SLC25A26: variants seen among roughly 807,000 people sequenced by gnomAD.
SLC25A26 encodes mitochondrial S-adenosylmethionine carrier protein.
A neutral mutation model predicts 37.8 loss-of-function variants in SLC25A26; 36 were observed. That is an observed-to-expected ratio of 0.95 (90% CI 0.73 to 1.26). The LOEUF (loss-of-function observed/expected upper bound fraction) is 1.26. Among genes scored for constraint, SLC25A26 ranks in the 50% most tolerant of loss-of-function variants. SLC25A26 has a pLI of 0.00. For missense variants in SLC25A26, 390 were observed against 331.1 expected (o/e 1.18, Z -1.38); for synonymous variants, 129 against 122.5 (o/e 1.05, Z -0.35).
chr3:66,156,458 G>T (rs1021208335), intron 1 of SLC25A26, among the ~76,000 whole-genome samples: 10 of 57,210 alleles, frequency 1.7e-4, no homozygotes, highest in African/African-American at 6.6e-4. Context: ...GATAGGGCCA[G>T]GGGTGGGAAG....
chr3:66,310,449 C>G (rs1240763182), intron 5 of SLC25A26, among the ~76,000 whole-genome samples: 1 of 152,136 alleles, frequency 6.6e-6, no homozygotes, highest in Non-Finnish European at 1.5e-5. Flanking sequence ...TTAACTCTAT[C>G]CAATTTGCCA....
chr3:66,294,946 A>C (rs2074846879), intron 5 of SLC25A26, among the ~76,000 whole-genome samples: 1 of 152,216 alleles, frequency 6.6e-6, no homozygotes, highest in Admixed American at 6.5e-5. Flanking sequence ...TTGCAATTAA[A>C]AAATATAAAC....
rs372502867 is a variant in SLC25A26, at chr3:66,312,853, A to G, written c.454-33511A>G. ...ACCCACTGTCTAACCAGTCCCATTG[A>G]GATGAACCGGGTACCTCAGTTGGAA... On this transcript the variant is annotated intron_variant, in intron 5 of 9. Transcript: ENST00000354883. Among the ~76,000 whole-genome samples, 10 of 152,224 alleles carry G rather than the reference A, an allele frequency of 6.6e-5. No homozygotes were observed. In the South Asian group the frequency reaches 1.9e-3, roughly 28 times the overall value.
intron 5 of SLC25A26, among the ~76,000 whole-genome samples, chr3:66,300,177 A>G (rs1459653021): frequency 1.3e-5 from 2 of 151,906 alleles, no homozygotes; most frequent in Non-Finnish European, 2.9e-5. Context: ...GTTTGAACCA[A>G]GCTAATCAAA....
intron 5 of SLC25A26, among the ~76,000 whole-genome samples, chr3:66,339,082 G>C (rs1456707058): frequency 6.6e-6 from 1 of 151,914 alleles, no homozygotes; most frequent in Non-Finnish European, 1.5e-5. Flanking sequence ...CTGTATACCC[G>C]GGAGCAAAAT....
At chr3:66,157,799 A>T (rs549162600) in intron 1 of SLC25A26, among the ~76,000 whole-genome samples, 239 of 152,212 alleles carry the variant, frequency 1.6e-3, no homozygotes, top group South Asian at 3.9e-3. Flanking sequence ...ATTTAAAAAA[A>T]TTTTTTTGAG....
At chr3:66,289,297 T>C (rs2074623382) in intron 5 of SLC25A26, among the ~76,000 whole-genome samples, 1 of 152,222 alleles carries the variant, frequency 6.6e-6, no homozygotes, top group Non-Finnish European at 1.5e-5. Flanking sequence ...GATGATAGTT[T>C]CTTTTGCTGT....
intron 5 of SLC25A26, among the ~76,000 whole-genome samples, chr3:66,311,530 C>G (rs1432222952): frequency 6.6e-6 from 1 of 151,936 alleles, no homozygotes; most frequent in Admixed American, 6.6e-5. Context: ...GTTTTGTTCC[C>G]TTGCTGGTGA....
At chr3:66,360,644 A>G (rs1446584634) in intron 6 of SLC25A26, among the ~76,000 whole-genome samples, 1 of 152,250 alleles carries the variant, frequency 6.6e-6, no homozygotes, top group Non-Finnish European at 1.5e-5. Flanking sequence ...TTTAAAAAAC[A>G]GTGCGATTTG....
chr3:66,139,026 C>T (rs2069993983), intron 1 of SLC25A26, among the ~76,000 whole-genome samples: 1 of 151,804 alleles, frequency 6.6e-6, no homozygotes, highest in Non-Finnish European at 1.5e-5. Context: ...GCTGCCCCAC[C>T]CCTCCTGTCC....
chr3:66,336,071 A>G (rs981064772), intron 5 of SLC25A26, among the ~76,000 whole-genome samples: 1 of 152,212 alleles, frequency 6.6e-6, no homozygotes, highest in African/African-American at 2.4e-5. Flanking sequence ...GGATGTATCT[A>G]TACAAATGAT....
intron 1 of SLC25A26, among the ~76,000 whole-genome samples, chr3:66,158,786 T>A (rs1559554723): frequency 1.3e-5 from 2 of 152,156 alleles, no homozygotes; most frequent in Non-Finnish European, 2.9e-5. Context: ...TCATGAGTGT[T>A]GTCACCCAAC....
intron 5 of SLC25A26, among the ~76,000 whole-genome samples, chr3:66,294,141 T>G (rs1211671947): frequency 6.6e-6 from 1 of 152,226 alleles, no homozygotes; most frequent in Admixed American, 6.5e-5. Flanking sequence ...ACAATATTGA[T>G]TCTTCCTACT....
intron 3 of SLC25A26, among the ~76,000 whole-genome samples, chr3:66,259,309 G>A (rs1426039406): frequency 6.6e-6 from 1 of 152,106 alleles, no homozygotes; most frequent in Non-Finnish European, 1.5e-5. Flanking sequence ...TGGTTTTAGC[G>A]ATCACCTGTA....
chr3:66,321,628 A>G (rs759418006), intron 5 of SLC25A26, among the ~76,000 whole-genome samples: 6 of 152,206 alleles, frequency 3.9e-5, no homozygotes, highest in Non-Finnish European at 8.8e-5. Flanking sequence ...GGAAGTACAG[A>G]TGAAGCAGGT....
At chr3:66,185,517 A>T (rs1355291819) in intron 1 of SLC25A26, among the ~76,000 whole-genome samples, 1 of 152,148 alleles carries the variant, frequency 6.6e-6, no homozygotes, top group African/African-American at 2.4e-5. Context: ...TTGAGGAACC[A>T]ACCATATTGT....
At position 66,236,716 on chromosome 3, in the gene SLC25A26, C is replaced by T. The variant is rs2072308598; in HGVS notation, c.190+16C>T. ...TTTCCTAATGGTAAAAAATTATATT[C>T]TCACTTCTGTAAAGCCAAGATAAGA... On this transcript the variant is annotated intron_variant, in intron 2 of 9. Coordinates refer to ENST00000354883, the MANE Select transcript of SLC25A26 (RefSeq NM_001379210.1). The T allele has an allele frequency of 2.0e-6, 3 of 1,491,200 alleles. No individual in the cohort carries two copies. The highest frequency in any genetic ancestry group is 2.7e-6 in the Non-Finnish European group (3 of 1,113,368). The allele number at this position is 1,491,200 out of a possible 1,614,324, so 92.4% of individuals were successfully genotyped here. A position where few individuals can be genotyped will look rare whatever the true frequency, so the allele number is the denominator to read the frequency against.
intron 1 of SLC25A26, 49 bp downstream of exon 1, chr3:66,221,176 A>T: frequency 1.3e-6 from 2 of 1,499,332 alleles, no homozygotes; most frequent in African/African-American, 2.8e-5. Context: ...GGCGTCCGGC[A>T]TTGGAGCCCG....
intron 1 of SLC25A26, among the ~76,000 whole-genome samples, chr3:66,147,964 G>T (rs551737298): frequency 6.6e-6 from 1 of 151,854 alleles, no homozygotes; most frequent in South Asian, 2.1e-4. Context: ...TCACCCTGTC[G>T]GCCAGGCTGG....
Sources: gnomAD v4.1 joint callset for allele counts (sites outside exome capture counted in the v4.1 genomes callset) on GRCh38, gnomAD v4.1.1 for gene constraint, MANE v1.5 for transcripts, NCBI Gene and HGNC (gene_info 2026-07-23, HGNC 2026-07-21) for gene names.